The following LSM4 variants were observed in gnomAD, a reference collection of about 807,000 sequenced individuals.
LSM4 encodes LSM4 homolog, U6 small nuclear RNA and mRNA degradation associated, also known as U6 snRNA-associated Sm-like protein LSm4.
A neutral mutation model predicts 22.3 loss-of-function variants in LSM4; 15 were observed. That is an observed-to-expected ratio of 0.67 (90% CI 0.45 to 1.03). The LOEUF is 1.03. LSM4 is among the 50% of genes least tolerant of loss of function. The probability of loss-of-function intolerance (pLI) is 0.00; values close to 1 mark genes in which losing one functional copy is unlikely to be tolerated. For synonymous variants in LSM4, 90 were observed against 79.8 expected, an observed-to-expected ratio of 1.13 and a Z score of -0.68; for missense variants, 127 against 198.0, an observed-to-expected ratio of 0.64 and a Z score of 2.15.
At position 18,307,308 on chromosome 19, in the gene LSM4, AG is replaced by A. The variant is rs1970237519; in HGVS notation, c.*155del. 16 of 516,898 alleles carry A rather than the reference AG, an allele frequency of 3.1e-5. No homozygotes were observed. In the Admixed American group the frequency reaches 4.7e-4, roughly 15 times the overall value. 32.0% of individuals were successfully genotyped at this position (516,898 alleles called of 1,614,324 possible). A position where few individuals can be genotyped will look rare whatever the true frequency, so the allele number is the denominator to read the frequency against. On this transcript the variant is annotated 3_prime_UTR_variant, in exon 5 of 5. Transcript: ENST00000593829. ...AACCGGAGAATTGCCGGTTTTAGCA[AG>A]AAAAAGGGGCTTCACCTAAAAGGGA...
At position 18,309,677 on chromosome 19, in the gene LSM4, C is replaced by T. The variant is rs1266526880; in HGVS notation, c.328+1G>A. 7.5e-6 allele frequency: 12 copies of T among 1,597,064 alleles called. No homozygotes were observed. Among genetic ancestry groups the T allele is most frequent in the Non-Finnish European group, 9.4e-6 (11 of 1,173,660 alleles). On this transcript the variant is annotated splice_donor_variant, in intron 4 of 4. Transcript: ENST00000593829. LOFTEE classifies it high-confidence loss of function. ...ACGTCCACTGGAGAGGGGAGACCCA[C>T]CTCGGCCAGCGCCGCCCATGCCGCG...
intron 1 of LSM4, among the ~76,000 whole-genome samples, chr19:18,317,950 T>C (rs1433620821): frequency 2.0e-5 from 3 of 152,218 alleles, no homozygotes; most frequent in Admixed American, 6.5e-5. Flanking sequence ...ACCCGTACGC[T>C]GGGAGCTGCC....
chr19:18,311,849 C>T (rs959774362), intron 3 of LSM4, among the ~76,000 whole-genome samples: 3 of 152,172 alleles, frequency 2.0e-5, no homozygotes, highest in South Asian at 2.1e-4. Context: ...CGCCTCCCCC[C>T]TCGAGCCCTG....
At chr19:18,321,739 G>T (rs1413599470) in intron 1 of LSM4, among the ~76,000 whole-genome samples, 1 of 152,084 alleles carries the variant, frequency 6.6e-6, no homozygotes, top group Non-Finnish European at 1.5e-5. Flanking sequence ...TGCAGACCCC[G>T]TACTTGACGG....
At chr19:18,310,966 ACCTG>A (rs1970292279) in intron 3 of LSM4, among the ~76,000 whole-genome samples, 1 of 152,142 alleles carries the variant, frequency 6.6e-6, no homozygotes, top group African/African-American at 2.4e-5. Flanking sequence ...AAAAGGCCTT[ACCTG>A]CCCGAATCCC....
At chr19:18,320,093 G>A (rs1357605479) in intron 1 of LSM4, among the ~76,000 whole-genome samples, 1 of 152,220 alleles carries the variant, frequency 6.6e-6, no homozygotes, top group Non-Finnish European at 1.5e-5. Flanking sequence ...CTCCCAGGCT[G>A]CAATGGCCTG....
intron 2 of LSM4, 52 bp from the exon 3 acceptor site, chr19:18,312,754 T>G: frequency 1.4e-6 from 2 of 1,380,112 alleles, no homozygotes; most frequent in Non-Finnish European, 2.1e-6. Flanking sequence ...CCCTGCGCCA[T>G]GGGCCCCTCA....
chr19:18,311,418 A>G (rs1278825786), intron 3 of LSM4, among the ~76,000 whole-genome samples: 1 of 152,152 alleles, frequency 6.6e-6, no homozygotes, highest in Non-Finnish European at 1.5e-5. Context: ...TGCTCAGGGA[A>G]AGCCATCCGT....
At chr19:18,307,968 GCCACAACCAC>G (rs954989969) in intron 4 of LSM4, among the ~76,000 whole-genome samples, 3 of 151,864 alleles carry the variant, frequency 2.0e-5, no homozygotes, top group African/African-American at 7.3e-5. Flanking sequence ...CCTCCTATGC[GCCACAACCAC>G]CCACAGCCCC....
At chr19:18,316,202 T>C in intron 1 of LSM4, 137 bp from the exon 2 acceptor site, 1 of 667,812 alleles carries the variant, frequency 1.5e-6, no homozygotes, top group East Asian at 2.9e-5. Flanking sequence ...CACCCCCCAC[T>C]GGAAATGCCA....
In LSM4 at chr19:18,312,707, A is replaced by G. The variant is rs773864961; in HGVS notation, c.46-5T>C. The G allele has an allele frequency of 8.1e-5, 130 of 1,609,720 alleles. No homozygotes were observed. The highest frequency in any genetic ancestry group is 1.1e-4 in the Non-Finnish European group (124 of 1,176,290). ...CCCATTTTTCAGCTCCACCAACTAG[A>G]AGAGAGACAGGCTAGAGGTTGGCTG... On this transcript the variant is annotated splice_polypyrimidine_tract_variant and splice_region_variant and intron_variant, in intron 2 of 4. Coordinates refer to ENST00000593829, the MANE Select transcript of LSM4 (RefSeq NM_012321.5).
intron 4 of LSM4, among the ~76,000 whole-genome samples, chr19:18,308,766 G>T (rs2148137156): frequency 1.3e-5 from 2 of 152,340 alleles, no homozygotes; most frequent in African/African-American, 2.4e-5. Flanking sequence ...GCCCTGTGGG[G>T]ACAGAGGCCA....
In LSM4 at chr19:18,309,672, AC is replaced by A; in HGVS notation, c.328+5del. ...CAGGTACGTCCACTGGAGAGGGGAG[AC>A]CCACCTCGGCCAGCGCCGCCCATGC... On this transcript the variant is annotated splice_donor_5th_base_variant and intron_variant, in intron 4 of 4. Transcript: ENST00000593829. 1 of 1,594,074 alleles carries A rather than the reference AC, an allele frequency of 6.3e-7. No individual in the cohort carries two copies. The highest frequency in any genetic ancestry group is 8.5e-7 in the Non-Finnish European group (1 of 1,172,388).
At chr19:18,313,891 C>T (rs1324356129) in intron 2 of LSM4, among the ~76,000 whole-genome samples, 2 of 152,132 alleles carry the variant, frequency 1.3e-5, no homozygotes, top group African/African-American at 4.8e-5. Context: ...GTGATCTCAG[C>T]TCACTGCAAC....
At position 18,309,675 on chromosome 19, in the gene LSM4, C is replaced by A; in HGVS notation, c.328+3G>T. On this transcript the variant is annotated splice_donor_region_variant and intron_variant, in intron 4 of 4. Coordinates refer to ENST00000593829, the MANE Select transcript of LSM4 (RefSeq NM_012321.5). ...GTACGTCCACTGGAGAGGGGAGACCCACCTCGGCCAGCGCCGCCCATGCCG... is the reference window on the plus strand; with the variant it reads ...GTACGTCCACTGGAGAGGGGAGACCAACCTCGGCCAGCGCCGCCCATGCCG... 1 of 1,595,282 alleles carries A rather than the reference C, an allele frequency of 6.3e-7. No homozygotes were observed. The highest frequency in any genetic ancestry group is 8.5e-7 in the Non-Finnish European group (1 of 1,172,870).
In LSM4 at chr19:18,309,539, A is replaced by G. The variant is rs571231541; in HGVS notation, c.328+139T>C. The G allele has an allele frequency of 1.2e-4, 106 of 915,690 alleles. 1 individual carries two copies. Among genetic ancestry groups the G allele is most frequent in the East Asian group, 1.7e-4 (6 of 35,926 alleles). 56.7% of individuals were successfully genotyped at this position (915,690 alleles called of 1,614,324 possible). ...GGCTCCTCTGCCTGGGCCTCGGCTC[A>G]TGGCCAAGGACCAGGAGGGGGGCCC... On this transcript the variant is annotated intron_variant, in intron 4 of 4. Transcript: ENST00000593829.
Position 18,307,297 on chromosome 19 carries a change from C to T in LSM4, c.*167G>A, listed in dbSNP as rs1346453648. On this transcript the variant is annotated 3_prime_UTR_variant, in exon 5 of 5. Transcript: ENST00000593829. ...GTAACATTTCTAACCGGAGAATTGCCGGTTTTAGCAAGAAAAAGGGGCTTC... is the reference window on the plus strand; with the variant it reads ...GTAACATTTCTAACCGGAGAATTGCTGGTTTTAGCAAGAAAAAGGGGCTTC... 10 of 482,228 alleles carry T rather than the reference C, an allele frequency of 2.1e-5. No homozygotes were observed. Among genetic ancestry groups the T allele is most frequent in the Admixed American group, 1.7e-4 (4 of 23,190 alleles). 29.9% of individuals were successfully genotyped at this position (482,228 alleles called of 1,614,324 possible).
intron 4 of LSM4, among the ~76,000 whole-genome samples, chr19:18,307,853 G>A (rs568374474): frequency 3.6e-4 from 55 of 151,560 alleles, no homozygotes; most frequent in African/African-American, 1.3e-3. Flanking sequence ...CTTCCTAAAG[G>A]ACAAAGCCAG....
rs1008252045 is a variant in LSM4 at position 18,312,652 on chromosome 19, G to A, written c.96C>T (p.Cys32=). The A allele has an allele frequency of 1.5e-5, 25 of 1,613,824 alleles. No individual in the cohort carries two copies. Among genetic ancestry groups the A allele is most frequent in the African/African-American group, 4.0e-5 (3 of 74,916 alleles). ...GCAGGTTAATGTTCATCCAGTTGTC[G>A]CAGCTCACCAGGTGTCCATTGTACG... ...GETYNGHLVS[C]DNWMNINLRE... Residue 32 remains cysteine, a synonymous_variant, in exon 3 of 5, where the codon TGC becomes TGT. Transcript: ENST00000593829.
Sources: gnomAD v4.1 joint callset for allele counts (sites outside exome capture counted in the v4.1 genomes callset) on GRCh38, gnomAD v4.1.1 for gene constraint, MANE v1.5 for transcripts, NCBI Gene and HGNC (gene_info 2026-07-23, HGNC 2026-07-21) for gene names.